Variants in FOXRED2 observed in about 807,000 individuals in gnomAD.
FOXRED2 encodes FAD dependent oxidoreductase domain containing 2.
FOXRED2 carries 32 observed loss-of-function variants against 52.5 expected under a neutral mutation model. The observed-to-expected ratio is 0.61, with a 90% confidence interval of 0.46 to 0.82. The LOEUF (loss-of-function observed/expected upper bound fraction) is 0.82, where lower values mean the gene tolerates loss of function less well. Ranked by LOEUF, FOXRED2 falls within the 40% of genes least tolerant of loss-of-function variation. The probability of loss-of-function intolerance (pLI) is 0.00; values close to 1 mark genes in which losing one functional copy is unlikely to be tolerated. For synonymous variants in FOXRED2, 405 were observed against 398.1 expected, an observed-to-expected ratio of 1.02 and a Z score of -0.21; for missense variants, 848 against 937.5, an observed-to-expected ratio of 0.90 and a Z score of 1.25.
chr22:36,504,848 A>G (rs1934152833), intron 2 of FOXRED2, 82 bp from the exon 3 acceptor site: 2 of 1,480,232 alleles, frequency 1.4e-6, no homozygotes, highest in African/African-American at 2.8e-5. Flanking sequence ...GGACCCACCC[A>G]CCCACCTGCC....
chr22:36,490,473 AG>A (rs1933727455), intron 8 of FOXRED2, among the ~76,000 whole-genome samples: 5 of 152,354 alleles, frequency 3.3e-5, no homozygotes, highest in African/African-American at 1.2e-4. Flanking sequence ...ACGAGGCTCC[AG>A]GGCAGGGGGC....
chr22:36,498,307 G>C lies in FOXRED2; in HGVS notation c.1217-151C>G, dbSNP rs192772262. ...AAACGCCTAGGTGGTGAACACATGAGGGGAGGAGATGGCAGCTGCCTTTAG... is the reference window on the plus strand; with the variant it reads ...AAACGCCTAGGTGGTGAACACATGACGGGAGGAGATGGCAGCTGCCTTTAG... On this transcript the variant is annotated intron_variant, in intron 5 of 8. Transcript: ENST00000397224. 5.4e-4 allele frequency: 441 copies of C among 813,158 alleles called. 1 individual carries two copies. In the African/African-American group the frequency reaches 6.4e-3, roughly 12 times the overall value. 50.4% of individuals were successfully genotyped at this position (813,158 alleles called of 1,614,324 possible).
At chr22:36,505,694 T>G (rs948689544) in intron 2 of FOXRED2, among the ~76,000 whole-genome samples, 10 of 151,654 alleles carry the variant, frequency 6.6e-5, no homozygotes, top group African/African-American at 2.2e-4. Flanking sequence ...TCGCTTGAAC[T>G]AGAGAGGCGG....
chr22:36,501,650 C>A (rs8137217), intron 4 of FOXRED2, among the ~76,000 whole-genome samples: 25,376 of 151,780 alleles, frequency 0.17, 2,774 homozygotes, highest in African/African-American at 0.31. Context: ...TAGTAGAGAC[C>A]AGGTTTCACC....
At chr22:36,503,515 T>C (rs1934108763) in intron 4 of FOXRED2, among the ~76,000 whole-genome samples, 1 of 151,992 alleles carries the variant, frequency 6.6e-6, no homozygotes. Context: ...TTCACCATGT[T>C]GGCCAGGCTG....
Position 36,506,208 on chromosome 22 carries a change from T to C in FOXRED2, c.215A>G (p.Tyr72Cys), listed in dbSNP as rs769229144. The C allele has an allele frequency of 2.5e-6, 4 of 1,614,082 alleles. No individual in the cohort carries two copies. The highest frequency in any genetic ancestry group is 3.4e-6 in the Non-Finnish European group (4 of 1,179,986). ...GCTGATGAGCTTGCGGTGCCGCGGG[T>C]AGCGTGTGAAGAAGCTGCCGGGCCG... ...APRPGSFFTR[Y>C]PRHRKLISIN... is the part of the protein sequence containing the mutation. The change falls in exon 2 of 9, where the codon TAC becomes TGC. Residue 72 changes from tyrosine (Y) to cysteine (C), a missense_variant. Tyr to Cys is a radical substitution (Grantham distance 194). Coordinates refer to ENST00000397224, the MANE Select transcript of FOXRED2 (RefSeq NM_001102371.2).
chr22:36,502,472 ACTTT>A (rs936899517), intron 4 of FOXRED2, among the ~76,000 whole-genome samples: 18 of 152,292 alleles, frequency 1.2e-4, no homozygotes, highest in African/African-American at 1.7e-4. Context: ...CATGCCAAGT[ACTTT>A]CTTTATTTTA....
At chr22:36,497,267 G>A (rs1227579691) in intron 6 of FOXRED2, among the ~76,000 whole-genome samples, 2 of 152,132 alleles carry the variant, frequency 1.3e-5, no homozygotes, top group Non-Finnish European at 2.9e-5. Context: ...TTGAACCCAG[G>A]AGGCAGATGT....
At chr22:36,505,770 TA>T (rs373218799) in intron 2 of FOXRED2, 125 bp downstream of exon 2, 138,935 of 803,106 alleles carry the variant, frequency 0.17, 5 homozygotes, top group South Asian at 0.22. Context: ...GACTCCGTCT[TA>T]AAAAAAAAAA....
At chr22:36,496,322 A>G (rs35417644) in intron 6 of FOXRED2, 114 bp from the exon 7 acceptor site, 18,567 of 1,286,272 alleles carry the variant, frequency 0.014, 182 homozygotes, top group Non-Finnish European at 0.018. Context: ...AGGAGCGTCA[A>G]TCAAGCAGCA....
At chr22:36,492,019 C>T (rs5756214) in intron 8 of FOXRED2, among the ~76,000 whole-genome samples, 111,398 of 151,886 alleles carry the variant, frequency 0.73, 41,973 homozygotes, top group Non-Finnish European at 0.81. Flanking sequence ...ATGGGCACAG[C>T]ACAAAGGATG....
rs759137008 is a variant in FOXRED2, at chr22:36,504,728, T to C, written c.566A>G (p.Gln189Arg). ...ATATTCGGAGCCAGGGAAGTCAACC[T>C]GGTTGGGGACTGATAAACCAGTGGC... ...FVATGLSVPN[Q>R]VDFPGSEYAE... is the part of the protein sequence containing the mutation. The change falls in exon 3 of 9, where the codon CAG becomes CGG. Residue 189 changes from glutamine to arginine, a missense_variant. Coordinates refer to ENST00000397224, the MANE Select transcript of FOXRED2 (RefSeq NM_001102371.2). 8.1e-6 allele frequency: 13 copies of C among 1,613,966 alleles called. No individual in the cohort carries two copies. The highest frequency in any genetic ancestry group is 1.0e-5 in the Non-Finnish European group (12 of 1,180,028).
At chr22:36,496,845 G>A (rs1933913177) in intron 6 of FOXRED2, among the ~76,000 whole-genome samples, 4 of 152,190 alleles carry the variant, frequency 2.6e-5, no homozygotes, top group Admixed American at 2.6e-4. Context: ...ATCATCTGAA[G>A]GCAGAGGTGA....
At chr22:36,492,180 C>T (rs1933773818) in intron 8 of FOXRED2, among the ~76,000 whole-genome samples, 1 of 152,254 alleles carries the variant, frequency 6.6e-6, no homozygotes. Flanking sequence ...AAGAGGACAG[C>T]GGGAAGACTG....
At chr22:36,500,445 G>T (rs888366001) in intron 5 of FOXRED2, among the ~76,000 whole-genome samples, 1 of 152,086 alleles carries the variant, frequency 6.6e-6, no homozygotes, top group Non-Finnish European at 1.5e-5. Context: ...TTTGGTTGGG[G>T]ATTATTTTAG....
rs367574075 is a variant in FOXRED2, at chr22:36,501,282, C to T, written c.1175G>A (p.Arg392Gln). Residue 392 changes from arginine (R) to glutamine (Q), a missense_variant, in exon 5 of 9, where the codon CGG becomes CAG. Transcript: ENST00000397224. Reference sequence around the variant, plus strand: ...GTGGATGAAGCCCCCAGCAGATTTCCGGTAGTCCACCGAGTGGCTGGCAGT... The same window carrying T: ...GTGGATGAAGCCCCCAGCAGATTTCTGGTAGTCCACCGAGTGGCTGGCAGT... ...LGTASHSVDYRKSAGGFIHGF... is the reference protein window; with the variant it reads ...LGTASHSVDYQKSAGGFIHGF... 31 of 1,613,966 alleles carry T rather than the reference C, an allele frequency of 1.9e-5. No individual in the cohort carries two copies. Among genetic ancestry groups the T allele is most frequent in the South Asian group, 1.3e-4 (12 of 91,080 alleles).
intron 5 of FOXRED2, among the ~76,000 whole-genome samples, chr22:36,500,020 C>T (rs966461622): frequency 3.9e-5 from 6 of 152,144 alleles, no homozygotes; most frequent in African/African-American, 1.4e-4. Flanking sequence ...AGGCTGGTCT[C>T]GAACTCCTGC....
At chr22:36,502,935 G>T (rs958218742) in intron 4 of FOXRED2, among the ~76,000 whole-genome samples, 2 of 151,230 alleles carry the variant, frequency 1.3e-5, no homozygotes, top group African/African-American at 4.9e-5. Flanking sequence ...CTTGTGATCC[G>T]CCCACCTCAG....
At position 36,506,117 on chromosome 22, in the gene FOXRED2, CAG is replaced by C. The variant is rs767143398; in HGVS notation, c.304_305del (p.Leu102AlafsTer29). On this transcript the variant is annotated frameshift_variant, in exon 2 of 9. Transcript: ENST00000397224. LOFTEE classifies it high-confidence loss of function. ...EFNLRHDWNS[L>X]LSHDPRLLFR... ...AGAGCAGCCGGGGGTCGTGGCTGAG[CAG>C]AGAGTTCCAGTCGTGGCGGAGGTTG... The C allele has an allele frequency of 3.7e-6, 6 of 1,614,250 alleles. No individual in the cohort carries two copies. The highest frequency in any genetic ancestry group is 1.1e-5 in the South Asian group (1 of 91,090).
Sources: gnomAD v4.1 joint callset for allele counts (sites outside exome capture counted in the v4.1 genomes callset) on GRCh38, gnomAD v4.1.1 for gene constraint, MANE v1.5 for transcripts, NCBI Gene and HGNC (gene_info 2026-07-23, HGNC 2026-07-21) for gene names.